Variants in STRBP observed in about 807,000 individuals in gnomAD.
STRBP encodes spermatid perinuclear RNA binding protein.
STRBP carries 13 observed loss-of-function variants against 80.1 expected under a neutral mutation model. That is an observed-to-expected ratio of 0.16 (90% CI 0.11 to 0.26). The LOEUF (loss-of-function observed/expected upper bound fraction) is 0.26, where lower values mean the gene tolerates loss of function less well. Ranked by LOEUF, STRBP falls within the 10% of genes least tolerant of loss-of-function variation. The pLI is 1.00. For synonymous variants in STRBP, 284 were observed against 291.2 expected (o/e 0.98, Z 0.25); for missense variants, 485 against 815.2 (o/e 0.59, Z 4.93).
intron 2 of STRBP, among the ~76,000 whole-genome samples, chr9:123,192,169 T>C (rs1176196804): frequency 6.6e-6 from 1 of 152,160 alleles, no homozygotes; most frequent in African/African-American, 2.4e-5. Context: ...GAATTTGAGT[T>C]ATTTATTAGA....
intron 6 of STRBP, chr9:123,168,256 A>G (rs1477858838): frequency 1.2e-5 from 12 of 981,706 alleles, no homozygotes; most frequent in Non-Finnish European, 1.5e-5. Flanking sequence ...GTGAACTGTA[A>G]AGCTGTTAAA....
At chr9:123,173,111 C>A (rs558421439) in intron 5 of STRBP, among the ~76,000 whole-genome samples, 1 of 152,122 alleles carries the variant, frequency 6.6e-6, no homozygotes, top group South Asian at 2.1e-4. Context: ...CCCTGAGGAG[C>A]CTTCAGCCTT....
intron 11 of STRBP, among the ~76,000 whole-genome samples, chr9:123,152,461 A>C (rs2037098209): frequency 6.6e-6 from 1 of 152,132 alleles, no homozygotes; most frequent in African/African-American, 2.4e-5. Context: ...TAAAAAGCCC[A>C]AACTGGAAAC....
chr9:123,266,116 C>G (rs7863265), intron 1 of STRBP, among the ~76,000 whole-genome samples: 117,580 of 152,080 alleles, frequency 0.77, 46,684 homozygotes, highest in East Asian at 0.98. Flanking sequence ...CTGGTCTCTT[C>G]CAGTTTCACA....
chr9:123,185,023 A>T (rs2038637960), intron 2 of STRBP, among the ~76,000 whole-genome samples: 1 of 152,158 alleles, frequency 6.6e-6, no homozygotes. Flanking sequence ...TTCCAGACAT[A>T]GTAAAAGTAA....
chr9:123,154,022 T>C (rs1043398790), intron 11 of STRBP, among the ~76,000 whole-genome samples: 13 of 152,154 alleles, frequency 8.5e-5, no homozygotes, highest in African/African-American at 3.1e-4. Context: ...TCAGAAAACA[T>C]GGCAATACCA....
intron 2 of STRBP, among the ~76,000 whole-genome samples, chr9:123,235,508 G>GA (rs200275946): frequency 1.0e-3 from 78 of 77,004 alleles, no homozygotes; most frequent in Middle Eastern, 8.3e-3. Flanking sequence ...GCAACTTCAG[G>GA]AAAAAAAAAA....
intron 2 of STRBP, among the ~76,000 whole-genome samples, chr9:123,223,604 A>G (rs2040142367): frequency 6.6e-6 from 1 of 152,148 alleles, no homozygotes; most frequent in Non-Finnish European, 1.5e-5. Context: ...ATGTTCAACA[A>G]TCAGGTAATA....
chr9:123,157,862 C>T, intron 11 of STRBP, 150 bp downstream of exon 11: 1 of 630,680 alleles, frequency 1.6e-6, no homozygotes. Flanking sequence ...GATGGGGACA[C>T]AGCCAACCTA....
intron 2 of STRBP, among the ~76,000 whole-genome samples, chr9:123,199,736 CTG>C (rs2039242738): frequency 6.6e-6 from 1 of 152,184 alleles, no homozygotes; most frequent in South Asian, 2.1e-4. Flanking sequence ...ATATTACAAA[CTG>C]AGAGTTTACT....
chr9:123,204,660 G>A (rs1036144035), intron 2 of STRBP, among the ~76,000 whole-genome samples: 4 of 152,164 alleles, frequency 2.6e-5, no homozygotes, highest in Admixed American at 1.3e-4. Context: ...GCTCACACCT[G>A]TAATCCCAGC....
intron 14 of STRBP, 34 bp downstream of exon 14, chr9:123,139,495 T>C (rs2036500090): frequency 1.3e-6 from 2 of 1,516,546 alleles, no homozygotes; most frequent in East Asian, 4.7e-5. Flanking sequence ...TGCACATATA[T>C]GTTATTTTTT....
At chr9:123,178,300 T>A (rs1380877331) in intron 4 of STRBP, among the ~76,000 whole-genome samples, 3 of 152,240 alleles carry the variant, frequency 2.0e-5, no homozygotes, top group Non-Finnish European at 4.4e-5. Context: ...ATGAGCTCCA[T>A]CTTTCAAAGT....
chr9:123,180,631 C>G (rs2038417801), intron 3 of STRBP, among the ~76,000 whole-genome samples: 1 of 152,158 alleles, frequency 6.6e-6, no homozygotes, highest in African/African-American at 2.4e-5. Flanking sequence ...AATGAAATAT[C>G]AGATCAGTGG....
intron 1 of STRBP, among the ~76,000 whole-genome samples, chr9:123,264,237 T>G (rs1290614694): frequency 2.0e-5 from 3 of 152,232 alleles, no homozygotes; most frequent in Admixed American, 2.0e-4. Flanking sequence ...CTCTGGAAAT[T>G]CCTGCTTAGA....
In STRBP at chr9:123,174,863, C is replaced by T. The variant is rs991649130; in HGVS notation, c.225-1021G>A. ...TAAAAGTTTCTTATTGGTTCATTTC[C>T]CTTAATCACAAATGAAAATAGTAAC... On this transcript the variant is annotated intron_variant, in intron 4 of 18. Transcript: ENST00000348403. Among the ~76,000 whole-genome samples, 8 of 152,070 alleles carry T rather than the reference C, an allele frequency of 5.3e-5. No individual in the cohort carries two copies. In the South Asian group the frequency reaches 1.0e-3, roughly 20 times the overall value.
intron 12 of STRBP, 127 bp downstream of exon 12, chr9:123,147,651 C>T (rs1387303456): frequency 2.3e-5 from 17 of 743,746 alleles, no homozygotes; most frequent in Non-Finnish European, 3.0e-5. Context: ...GCACTCCAGT[C>T]TCAGTGACAG....
intron 13 of STRBP, 41 bp downstream of exon 13, chr9:123,146,814 A>G: frequency 6.6e-7 from 1 of 1,515,082 alleles, no homozygotes; most frequent in Non-Finnish European, 9.0e-7. Flanking sequence ...TATTTGGAAC[A>G]TAAAATAAGA....
At chr9:123,253,287 T>C (rs977392633) in intron 1 of STRBP, among the ~76,000 whole-genome samples, 2 of 152,136 alleles carry the variant, frequency 1.3e-5, no homozygotes, top group Non-Finnish European at 2.9e-5. Flanking sequence ...CCATAAAGAG[T>C]TCCAAAGATT....
Sources: allele counts gnomAD v4.1 joint callset (sites outside exome capture counted in the v4.1 genomes callset), GRCh38; gene constraint gnomAD v4.1.1; transcripts MANE v1.5; gene names NCBI Gene and HGNC (gene_info 2026-07-23, HGNC 2026-07-21).